Variants in MTTP observed in about 807,000 individuals in gnomAD.
MTTP encodes microsomal triglyceride transfer protein.
Under a neutral mutation model 90.6 loss-of-function variants are expected in MTTP, and 49 were observed. That is an observed-to-expected ratio of 0.54 (90% CI 0.43 to 0.69). The LOEUF is 0.69. Ranked by LOEUF, MTTP falls within the 30% of genes least tolerant of loss-of-function variation. The pLI, the probability that MTTP is intolerant of heterozygous loss-of-function variation, is 0.00. For synonymous variants in MTTP, 347 were observed against 384.2 expected (o/e 0.90, Z 1.13); for missense variants, 945 against 1,067.5 (o/e 0.89, Z 1.60).
chr4:99,620,921 C>T (rs1214744634), intron 16 of MTTP, 140 bp from the exon 17 acceptor site: 2 of 782,740 alleles, frequency 2.6e-6, no homozygotes, highest in Admixed American at 2.4e-5. Context: ...CTAAGCACAT[C>T]CAGGTCACCT....
intron 15 of MTTP, among the ~76,000 whole-genome samples, chr4:99,617,339 A>C (rs934051663): frequency 3.3e-5 from 5 of 152,176 alleles, no homozygotes; most frequent in Non-Finnish European, 7.3e-5. Flanking sequence ...CTTCAGACTG[A>C]AAGTAGCTTC....
chr4:99,591,622 G>C, intron 5 of MTTP, 29 bp from the exon 6 acceptor site: 27 of 1,602,972 alleles, frequency 1.7e-5, no homozygotes, highest in Non-Finnish European at 2.3e-5. Flanking sequence ...ATGATTACTT[G>C]TTATAAAGAT....
intron 1 of MTTP, among the ~76,000 whole-genome samples, chr4:99,568,768 G>A (rs1724765490): frequency 6.6e-6 from 1 of 152,054 alleles, no homozygotes; most frequent in Non-Finnish European, 1.5e-5. Flanking sequence ...AAGGAACGGG[G>A]CCAACTGAAG....
intron 3 of MTTP, among the ~76,000 whole-genome samples, chr4:99,585,969 A>G (rs1725248764): frequency 6.6e-6 from 1 of 152,170 alleles, no homozygotes; most frequent in African/African-American, 2.4e-5. Context: ...GAGAGAAATT[A>G]TGGACAGGCA....
chr4:99,568,918 C>T (rs1724769359), intron 1 of MTTP, among the ~76,000 whole-genome samples: 1 of 151,910 alleles, frequency 6.6e-6, no homozygotes, highest in African/African-American at 2.4e-5. Flanking sequence ...GACAAATTTC[C>T]CATGTGGAGG....
At chr4:99,583,250 T>A in intron 2 of MTTP, 124 bp from the exon 3 acceptor site, 1 of 1,118,264 alleles carries the variant, frequency 8.9e-7, no homozygotes, top group South Asian at 1.5e-5. Flanking sequence ...AATCATGAAT[T>A]GAAAAATGAC....
chr4:99,601,460 G>A (rs903112103), intron 9 of MTTP, 147 bp from the exon 10 acceptor site: 3 of 600,342 alleles, frequency 5.0e-6, no homozygotes, highest in African/African-American at 1.8e-5. Context: ...TAGCAAATGT[G>A]TAAGTGTCTC....
upstream of MTTP, among the ~76,000 whole-genome samples, chr4:99,574,281 A>G (rs1236606335): frequency 6.6e-6 from 1 of 152,222 alleles, no homozygotes; most frequent in Non-Finnish European, 1.5e-5. Context: ...ACAATCATCT[A>G]TGTTTCATGA....
intron 3 of MTTP, among the ~76,000 whole-genome samples, chr4:99,588,358 A>G (rs1030370230): frequency 6.6e-6 from 1 of 152,122 alleles, no homozygotes; most frequent in Admixed American, 6.6e-5. Context: ...ACATGTATCT[A>G]TCCTCTATTT....
intron 15 of MTTP, among the ~76,000 whole-genome samples, chr4:99,617,351 T>C (rs1365246103): frequency 6.6e-6 from 1 of 152,202 alleles, no homozygotes; most frequent in Non-Finnish European, 1.5e-5. Context: ...AGTAGCTTCA[T>C]GCCGCAACCG....
chr4:99,612,806 A>T, intron 14 of MTTP, 107 bp from the exon 15 acceptor site: 1 of 991,096 alleles, frequency 1.0e-6, no homozygotes, highest in Non-Finnish European at 1.6e-6. Context: ...GCAAATATTT[A>T]AGTTTTTGGC....
At position 99,622,660 on chromosome 4, in the gene MTTP, T is replaced by G. The variant is rs1345197074; in HGVS notation, c.2514-17T>G. 1 of 1,613,368 alleles carries G rather than the reference T, an allele frequency of 6.2e-7. No homozygotes were observed. The highest frequency in any genetic ancestry group is 8.5e-7 in the Non-Finnish European group (1 of 1,179,358). On this transcript the variant is annotated splice_polypyrimidine_tract_variant and intron_variant, in intron 17 of 17. Coordinates refer to ENST00000265517, the MANE Select transcript of MTTP (RefSeq NM_001386140.1). The stretch of plus-strand genomic sequence containing the variant: ...AACTGTGTGTGTAATTCTGTTATTG[T>G]TGCTGTTGTTGTACAGGCAATTTGA...
chr4:99,575,296 G>A (rs1724929932), intron 1 of MTTP, among the ~76,000 whole-genome samples: 1 of 152,016 alleles, frequency 6.6e-6, no homozygotes, highest in African/African-American at 2.4e-5. Context: ...TGCTGTTGTT[G>A]GTCACATTGA....
chr4:99,597,365 A>C, intron 8 of MTTP, 141 bp downstream of exon 8: 2 of 949,146 alleles, frequency 2.1e-6, no homozygotes, highest in Non-Finnish European at 3.2e-6. Flanking sequence ...TTTCATCGAA[A>C]AGTTATGCCA....
chr4:99,596,689 A>T (rs953608547), intron 7 of MTTP, among the ~76,000 whole-genome samples: 2 of 152,198 alleles, frequency 1.3e-5, no homozygotes, highest in African/African-American at 4.8e-5. Context: ...TTTATCTCTG[A>T]AATATTTTGC....
At chr4:99,565,901 A>G (rs1167147564) in intron 1 of MTTP, among the ~76,000 whole-genome samples, 4 of 152,212 alleles carry the variant, frequency 2.6e-5, no homozygotes, top group Admixed American at 6.5e-5. Flanking sequence ...AATGAGGAAG[A>G]AGGAGGAGAT....
chr4:99,620,974 G>A (rs897654339), intron 16 of MTTP, 87 bp from the exon 17 acceptor site: 56 of 1,290,176 alleles, frequency 4.3e-5, no homozygotes, highest in African/African-American at 7.4e-5. Flanking sequence ...GGCATCATAC[G>A]TTCAGACCCT....
rs376390566 is a variant in MTTP, at chr4:99,601,620, G to A, written c.1250G>A (p.Gly417Asp). 3 of 1,611,276 alleles carry A rather than the reference G, an allele frequency of 1.9e-6. No individual in the cohort carries two copies. Among genetic ancestry groups the A allele is most frequent in the Non-Finnish European group, 2.5e-6 (3 of 1,177,744 alleles). The change falls in exon 10 of 18, where the codon GGT becomes GAT. Residue 417 changes from glycine to aspartate, a missense_variant. Coordinates refer to ENST00000265517, the MANE Select transcript of MTTP (RefSeq NM_001386140.1). ...LLRALISKFK[G>D]SIGSSDIRET... Reference sequence around the variant, plus strand: ...TTTGGTTAATAGAGTAAGTTCAAAGGTTCTATTGGTAGCAGTGACATCAGA... The same window carrying A: ...TTTGGTTAATAGAGTAAGTTCAAAGATTCTATTGGTAGCAGTGACATCAGA...
chr4:99,613,846 G>A (rs765250324), intron 15 of MTTP, among the ~76,000 whole-genome samples: 1 of 152,164 alleles, frequency 6.6e-6, no homozygotes, highest in Non-Finnish European at 1.5e-5. Context: ...GATGGAGATG[G>A]TCTGCCTAAT....
Sources: gnomAD v4.1 joint callset for allele counts (sites outside exome capture counted in the v4.1 genomes callset) on GRCh38, gnomAD v4.1.1 for gene constraint, MANE v1.5 for transcripts, NCBI Gene and HGNC (gene_info 2026-07-23, HGNC 2026-07-21) for gene names.